AMY2B: variants seen among roughly 807,000 people sequenced by gnomAD.
AMY2B encodes the protein amylase alpha 2B.
A neutral mutation model predicts 59.3 loss-of-function variants in AMY2B; 63 were observed. That is an observed-to-expected ratio of 1.06 (90% CI 0.87 to 1.31). The LOEUF is 1.31. Among genes scored for constraint, AMY2B ranks in the 50% most tolerant of loss-of-function variants. The pLI, the probability that AMY2B is intolerant of heterozygous loss-of-function variation, is 0.00. For missense variants in AMY2B, 635 were observed against 626.7 expected (o/e 1.01, Z -0.14); for synonymous variants, 180 against 198.1 (o/e 0.91, Z 0.77).
intron 5 of AMY2B, 45 bp downstream of exon 5, chr1:103,574,438 T>C (rs767804939): frequency 1.9e-6 from 3 of 1,607,934 alleles, no homozygotes; most frequent in Non-Finnish European, 2.5e-6. Context: ...ATAGATTTAT[T>C]AGTCATAGTA....
At chr1:103,577,436 A>G in intron 7 of AMY2B, 54 bp from the exon 8 acceptor site, 1 of 1,611,488 alleles carries the variant, frequency 6.2e-7, no homozygotes, top group Non-Finnish European at 8.5e-7. Context: ...TTAAAGGAGA[A>G]GGAAGAGGTA....
At chr1:103,572,933 G>T (rs1570646540) in intron 2 of AMY2B, 130 bp from the exon 3 acceptor site, 1 of 1,545,236 alleles carries the variant, frequency 6.5e-7, no homozygotes, top group African/African-American at 1.4e-5. Context: ...TTTTGATCTT[G>T]TAGGAAAATA....
At chr1:103,558,645 C>G (rs998000433) in intron 1 of AMY2B, among the ~76,000 whole-genome samples, 1 of 151,936 alleles carries the variant, frequency 6.6e-6, no homozygotes, top group African/African-American at 2.4e-5. Context: ...TGCTTGTAAT[C>G]CCAACAACTT....
At chr1:103,567,836 T>A (rs1157149457), upstream of AMY2B, among the ~76,000 whole-genome samples, 2 of 152,206 alleles carry the variant, frequency 1.3e-5, no homozygotes, top group Non-Finnish European at 2.9e-5. Flanking sequence ...GATTTCTTTT[T>A]AATGTGTCTT....
Position 103,579,316 on chromosome 1 carries a change from T to G in AMY2B, c.1352T>G (p.Phe451Cys), listed in dbSNP as rs1297675648. 1 of 1,611,700 alleles carries G rather than the reference T, an allele frequency of 6.2e-7. No individual in the cohort carries two copies. Among genetic ancestry groups the G allele is most frequent in the Non-Finnish European group, 8.5e-7 (1 of 1,179,660 alleles). Residue 451 changes from phenylalanine to cysteine, a missense_variant, in exon 10 of 10, where the codon TTT (phenylalanine) becomes TGT (cysteine). Transcript: ENST00000684275. Reference sequence around the variant, plus strand: ...TCTGAAATTTTATTTTACAGGACATTTTCTTTAACTTTGCAAACTGGTCTT... The same window carrying G: ...TCTGAAATTTTATTTTACAGGACATGTTCTTTAACTTTGCAAACTGGTCTT... ...FIVFNNDDWT[F>C]SLTLQTGLPA...
At chr1:103,575,792 ACTT>A in intron 7 of AMY2B, 3 of 448,444 alleles carry the variant, frequency 6.7e-6, no homozygotes, top group Non-Finnish European at 1.1e-5. Flanking sequence ...AAAAAAAACC[ACTT>A]AAAAATAAGA....
chr1:103,565,869 G>A (rs536138193), intron 2 of AMY2B, among the ~76,000 whole-genome samples: 122 of 152,194 alleles, frequency 8.0e-4, no homozygotes, highest in African/African-American at 2.8e-3. Flanking sequence ...TCACTGCTCT[G>A]CTTACTAATG....
chr1:103,571,902 A>G, intron 1 of AMY2B, 132 bp downstream of exon 1: 1 of 1,584,178 alleles, frequency 6.3e-7, no homozygotes, highest in Non-Finnish European at 8.6e-7. Flanking sequence ...TTTCTGAGGA[A>G]AAAACAATGT....
At position 103,577,429 on chromosome 1, in the gene AMY2B, AAGG is replaced by A. The variant is rs1652401475; in HGVS notation, c.1102-58_1102-56del. ...AACAGGATAGGTTGGGTTTGGTTTA[AAGG>A]AGAAGGAAGAGGTAAATATATGTAT... On this transcript the variant is annotated intron_variant, in intron 7 of 9. Coordinates refer to ENST00000684275, the MANE Select transcript of AMY2B (RefSeq NM_001387437.1). The A allele has an allele frequency of 1.2e-5, 20 of 1,611,116 alleles. No homozygotes were observed. The South Asian group carries it at 2.2e-4, about 18-fold the overall frequency.
chr1:103,574,339 C>T lies in AMY2B; in HGVS notation c.824C>T (p.Ala275Val), dbSNP rs538994510. The T allele has an allele frequency of 3.1e-6, 5 of 1,611,360 alleles. No homozygotes were observed. The Admixed American group carries it at 6.7e-5, about 22-fold the overall frequency. Residue 275 changes from alanine to valine, a missense_variant, in exon 5 of 10, where the codon GCA becomes GTA. Physicochemically the swap from Ala to Val is moderately conservative, Grantham distance 64 (BLOSUM62 0). Transcript: ENST00000684275. ...NGRVTEFKYG[A>V]KLGTVIRKWN... ...CGGGTGACAGAATTCAAGTATGGTG[C>T]AAAACTCGGCACAGTTATTCGCAAG... is the stretch of plus-strand genomic sequence containing the variant.
rs769132917 is a variant in AMY2B at position 103,577,813 on chromosome 1, C to G, written c.1314C>G (p.Asn438Lys). The change falls in exon 9 of 10, where the codon AAC becomes AAG. Residue 438 changes from asparagine to lysine, a missense_variant. Coordinates refer to ENST00000684275, the MANE Select transcript of AMY2B (RefSeq NM_001387437.1). The stretch of plus-strand genomic sequence containing the variant: ...ACCAAGTGGCTTTTGGGAGAGGAAA[C>G]AGAGGATTCATTGTTTTCAACAATG... The part of the protein sequence containing the change: ...GSNQVAFGRG[N>K]RGFIVFNNDD... 1 of 1,604,704 alleles carries G rather than the reference C, an allele frequency of 6.2e-7. No individual in the cohort carries two copies. Among genetic ancestry groups the G allele is most frequent in the African/African-American group, 1.3e-5 (1 of 74,826 alleles).
chr1:103,572,110 G>T lies in AMY2B; in HGVS notation c.169G>T (p.Val57Phe), dbSNP rs779533970. 2.5e-5 allele frequency: 40 copies of T among 1,611,442 alleles called. 1 individual carries two copies. In the South Asian group the frequency reaches 4.4e-4, roughly 18 times the overall value. Residue 57 changes from valine (V) to phenylalanine (F), a missense_variant and splice_region_variant, in exon 2 of 10, where the codon GTC becomes TTC. Physicochemically the swap from Val to Phe is conservative, Grantham distance 50. Coordinates refer to ENST00000684275, the MANE Select transcript of AMY2B (RefSeq NM_001387437.1). The stretch of plus-strand genomic sequence containing the variant: ...GTTATGAAGACTGTTTAATTTGTAG[G>T]TCTCTCCACCAAATGAAAATGTTGC... ...LAPKGFGGVQVSPPNENVAIH... is the reference protein window; with the variant it reads ...LAPKGFGGVQFSPPNENVAIH...
chr1:103,579,477 A>T lies in AMY2B; in HGVS notation c.1513A>T (p.Ile505Phe). 1 of 1,611,064 alleles carries T rather than the reference A, an allele frequency of 6.2e-7. No homozygotes were observed. The highest frequency in any genetic ancestry group is 1.1e-5 in the South Asian group (1 of 90,624). The change falls in exon 10 of 10, where the codon ATT becomes TTT. Residue 505 changes from isoleucine to phenylalanine, a missense_variant. Physicochemically the swap from Ile to Phe is conservative, Grantham distance 21 (BLOSUM62 0). Coordinates refer to ENST00000684275, the MANE Select transcript of AMY2B (RefSeq NM_001387437.1). ...SNSAEDPFIAIHAESKL is the reference protein window; with the variant it reads ...SNSAEDPFIAFHAESKL ...CTCTGCTGAGGATCCATTTATTGCAATTCATGCTGAATCTAAATTATAAAA... is the reference window on the plus strand; with the variant it reads ...CTCTGCTGAGGATCCATTTATTGCATTTCATGCTGAATCTAAATTATAAAA...
chr1:103,579,414 G>C lies in AMY2B; in HGVS notation c.1450G>C (p.Val484Leu), dbSNP rs143243690. The change falls in exon 10 of 10, where the codon GTT (valine) becomes CTT (leucine). Residue 484 changes from valine (V) to leucine (L), a missense_variant. Transcript: ENST00000684275. ...NGNCTGIKIY[V>L]SDDGKAHFSI... ...CAATTGCACAGGCATTAAAATCTAC[G>C]TTTCTGACGATGGCAAAGCTCATTT... 16 of 1,611,716 alleles carry C rather than the reference G, an allele frequency of 9.9e-6. No homozygotes were observed. Among genetic ancestry groups the C allele is most frequent in the Non-Finnish European group, 1.3e-5 (15 of 1,179,710 alleles).
At chr1:103,569,396 TTGTGTG>T (rs58457409), upstream of AMY2B, 729 of 151,076 alleles carry the variant, frequency 4.8e-3, 6 homozygotes, top group African/African-American at 0.016. Flanking sequence ...TTATGTGGGT[TTGTGTG>T]TGTGTGTGTG....
chr1:103,576,909 T>G (rs1268076930), intron 7 of AMY2B, among the ~76,000 whole-genome samples: 5 of 152,188 alleles, frequency 3.3e-5, no homozygotes, highest in Non-Finnish European at 7.3e-5. Flanking sequence ...CCTTCCCATT[T>G]CAATGACATT....
chr1:103,570,856 T>C (rs1038917834), upstream of AMY2B: 109 of 396,670 alleles, frequency 2.7e-4, no homozygotes, highest in African/African-American at 2.1e-3. Flanking sequence ...GTTCCTGATT[T>C]TGACATTGTA....
chr1:103,561,585 T>G (rs1651737157), intron 1 of AMY2B, among the ~76,000 whole-genome samples: 1 of 152,084 alleles, frequency 6.6e-6, no homozygotes, highest in Non-Finnish European at 1.5e-5. Flanking sequence ...TAAGGTTATT[T>G]TATTTTATAT....
intron 1 of AMY2B, among the ~76,000 whole-genome samples, chr1:103,563,848 T>C (rs1451253145): frequency 6.6e-6 from 1 of 152,118 alleles, no homozygotes; most frequent in Admixed American, 6.6e-5. Context: ...AGAAGAATAC[T>C]GTGAGGGAAG....
Sources: allele counts gnomAD v4.1 joint callset (sites outside exome capture counted in the v4.1 genomes callset), GRCh38; gene constraint gnomAD v4.1.1; transcripts MANE v1.5; gene names NCBI Gene and HGNC (gene_info 2026-07-23, HGNC 2026-07-21).